MED1: variants seen among roughly 807,000 people sequenced by gnomAD.
MED1 encodes mediator of RNA polymerase II transcription subunit 1.
Under a neutral mutation model 121.3 loss-of-function variants are expected in MED1, and 17 were observed. The observed-to-expected ratio is 0.14, with a 90% confidence interval of 0.10 to 0.21. The LOEUF (loss-of-function observed/expected upper bound fraction) is 0.21, where lower values mean the gene tolerates loss of function less well. MED1 is among the 10% of genes least tolerant of loss of function. MED1 has a pLI of 1.00. For missense variants in MED1, 1,558 were observed against 1,919.4 expected, an observed-to-expected ratio of 0.81 and a Z score of 3.52; for synonymous variants, 661 against 694.4, an observed-to-expected ratio of 0.95 and a Z score of 0.76.
rs1464270243 is a variant in MED1 at position 39,410,458 on chromosome 17, G to A, written c.1763C>T (p.Ser588Leu). ...GCTGAAGTCCTCCCCATGGCCCACC[G>A]ACTCATGCCGATCTTTGATGCTCAT... ...MSMSIKDRHE[S>L]VGHGEDFSKV... is the part of the protein sequence containing the mutation. The change falls in exon 17 of 17, where the codon TCG becomes TTG. Residue 588 changes from serine (S) to leucine (L), a missense_variant. Physicochemically the swap from Ser to Leu is moderately radical, Grantham distance 145. Transcript: ENST00000300651. 1.4e-5 allele frequency: 23 copies of A among 1,613,940 alleles called. No homozygotes were observed. The highest frequency in any genetic ancestry group is 2.2e-5 in the East Asian group (1 of 44,880).
intron 9 of MED1, 42 bp downstream of exon 9, chr17:39,431,072 TA>T (rs776772686): frequency 6.7e-7 from 1 of 1,500,878 alleles, no homozygotes; most frequent in East Asian, 2.3e-5. Flanking sequence ...ACCCTCAACT[TA>T]AATTACACAT....
intron 16 of MED1, among the ~76,000 whole-genome samples, chr17:39,414,497 G>C (rs907186603): frequency 1.7e-4 from 26 of 151,478 alleles, no homozygotes; most frequent in African/African-American, 6.3e-4. Context: ...CACCATGCCG[G>C]GCTAATTTTT....
At position 39,440,021 on chromosome 17, in the gene MED1, A is replaced by AAG. The variant is rs1567652006; in HGVS notation, c.399+364_399+365insCT. ...AGGAAGGAAGGAAGGAAGGAAGGAA[A>AAG]GAAAGAAAGAAAGAGAGAAAGAGAA... On this transcript the variant is annotated intron_variant, in intron 5 of 16. Transcript: ENST00000300651. The surrounding 1 kb of genome is among the most constrained non-coding windows in gnomAD (Gnocchi z 4.1). 3.8e-3 allele frequency among the ~76,000 whole-genome samples: 282 copies of AAG among 74,700 alleles called. No individual in the cohort carries two copies. The highest frequency in any genetic ancestry group is 0.011 in the East Asian group (28 of 2,536). The allele number at this position is 74,700 out of a possible 152,430, so 49.0% of individuals were successfully genotyped here.
At chr17:39,424,572 A>G in intron 11 of MED1, 55 bp downstream of exon 11, 3 of 1,182,872 alleles carry the variant, frequency 2.5e-6, no homozygotes, top group Non-Finnish European at 2.5e-6. Flanking sequence ...AACTTGTTAC[A>G]TACTGCGCTT....
intron 16 of MED1, among the ~76,000 whole-genome samples, chr17:39,411,216 G>A (rs1475948494): frequency 6.6e-6 from 1 of 152,044 alleles, no homozygotes; most frequent in Non-Finnish European, 1.5e-5. Context: ...CTACTCGGGA[G>A]GTTGAGGCAG....
intron 1 of MED1, among the ~76,000 whole-genome samples, chr17:39,450,544 T>G (rs1424259301): frequency 6.6e-6 from 1 of 152,206 alleles, no homozygotes; most frequent in Non-Finnish European, 1.5e-5. Context: ...AAGTTGTTTT[T>G]CTGCAGTTCG....
At chr17:39,410,853 G>T in intron 16 of MED1, 132 bp from the exon 17 acceptor site, 1 of 1,314,078 alleles carries the variant, frequency 7.6e-7, no homozygotes, top group Non-Finnish European at 1.0e-6. Context: ...GACAAAAATA[G>T]TTCTATCAAA....
chr17:39,426,183 G>A (rs1021030686), intron 10 of MED1, among the ~76,000 whole-genome samples: 1 of 151,546 alleles, frequency 6.6e-6, no homozygotes, highest in Admixed American at 6.6e-5. Flanking sequence ...GCCAAGGCTC[G>A]CACCTGTAAT....
chr17:39,433,010 C>T (rs1371729306), intron 7 of MED1, among the ~76,000 whole-genome samples: 1 of 152,112 alleles, frequency 6.6e-6, no homozygotes, highest in Non-Finnish European at 1.5e-5. Context: ...TCGAGACCAG[C>T]CTGGCCAAGA....
At position 39,410,007 on chromosome 17, in the gene MED1, G is replaced by T; in HGVS notation, c.2214C>A (p.Ile738=). 6.2e-7 allele frequency: 1 copy of T among 1,614,164 alleles called. No individual in the cohort carries two copies. The highest frequency in any genetic ancestry group is 8.5e-7 in the Non-Finnish European group (1 of 1,180,036). The change falls in exon 17 of 17, where the codon ATC becomes ATA. Residue 738 remains isoleucine (I), a synonymous_variant. Coordinates refer to ENST00000300651, the MANE Select transcript of MED1 (RefSeq NM_004774.4). ...TGCTACACTGGCTTGGAGCTGGAGT[G>T]ATGTGTGGCGTATCCAGCGTGTCAG... ...MTADTLDTPH[I]TPAPSQCSTP... is the part of the protein sequence containing the mutation.
Position 39,409,321 on chromosome 17 carries a change from T to C in MED1, c.2900A>G (p.Lys967Arg). ...GCCTTCCTTTACCCTCTTTTGAGTC[T>C]TTTCTTTCCCTAAGTCCCCAGTGGT... Reference protein sequence around the residue: ...LLTTGDLGKEKTQKRVKEGNG... With the variant: ...LLTTGDLGKERTQKRVKEGNG... The change falls in exon 17 of 17, where the codon AAG becomes AGG. Residue 967 changes from lysine to arginine, a missense_variant. Lys to Arg is a conservative substitution (Grantham distance 26). Coordinates refer to ENST00000300651, the MANE Select transcript of MED1 (RefSeq NM_004774.4). 6.2e-7 allele frequency: 1 copy of C among 1,614,066 alleles called. No individual in the cohort carries two copies. Among genetic ancestry groups the C allele is most frequent in the Non-Finnish European group, 8.5e-7 (1 of 1,179,994 alleles).
At chr17:39,423,116 T>C (rs1394717175) in intron 13 of MED1, among the ~76,000 whole-genome samples, 1 of 151,998 alleles carries the variant, frequency 6.6e-6, no homozygotes, top group Non-Finnish European at 1.5e-5. Context: ...CCGCCTGCCT[T>C]GGCCTCCTAA....
At chr17:39,446,776 G>GAAA (rs778959603) in intron 2 of MED1, among the ~76,000 whole-genome samples, 1 of 120,070 alleles carries the variant, frequency 8.3e-6, no homozygotes, top group African/African-American at 3.1e-5. Flanking sequence ...CCATCTCAAA[G>GAAA]AAAAAAAAAA....
intron 16 of MED1, among the ~76,000 whole-genome samples, chr17:39,411,374 A>T (rs73294950): frequency 0.032 from 4,869 of 152,198 alleles, 118 homozygotes; most frequent in African/African-American, 0.069. Flanking sequence ...CAATCCCAGC[A>T]CTTTGGAAGG....
Position 39,451,195 on chromosome 17 carries a change from A to G in MED1, c.-133T>C, listed in dbSNP as rs2048779430. On this transcript the variant is annotated 5_prime_UTR_variant, in exon 1 of 17. Coordinates refer to ENST00000300651, the MANE Select transcript of MED1 (RefSeq NM_004774.4). Reference sequence around the variant, plus strand: ...TCCCTACTCTTCCCGGGAAGGATCAATCTGAAGTCCCCGGCGGCAAGAAGA... The same window carrying G: ...TCCCTACTCTTCCCGGGAAGGATCAGTCTGAAGTCCCCGGCGGCAAGAAGA... 2 of 994,640 alleles carry G rather than the reference A, an allele frequency of 2.0e-6. No individual in the cohort carries two copies. Among genetic ancestry groups the G allele is most frequent in the East Asian group, 5.4e-5 (2 of 36,936 alleles). 61.6% of individuals were successfully genotyped at this position (994,640 alleles called of 1,614,324 possible). A position where few individuals can be genotyped will look rare whatever the true frequency, so the allele number is the denominator to read the frequency against.
chr17:39,441,587 T>C (rs1252557142), intron 3 of MED1, among the ~76,000 whole-genome samples: 1 of 152,034 alleles, frequency 6.6e-6, no homozygotes, highest in Non-Finnish European at 1.5e-5. Flanking sequence ...CTGACCAACG[T>C]GGTGAAACCC....
rs748964501 is a variant in MED1 at position 39,409,302 on chromosome 17, C to A, written c.2919G>T (p.Lys973Asn). Reference sequence around the variant, plus strand: ...TACTATTACTGGTGCCATTGCCTTCCTTTACCCTCTTTTGAGTCTTTTCTT... The same window carrying A: ...TACTATTACTGGTGCCATTGCCTTCATTTACCCTCTTTTGAGTCTTTTCTT... ...LGKEKTQKRVKEGNGTSNSTL... is the reference protein window; with the variant it reads ...LGKEKTQKRVNEGNGTSNSTL... The change falls in exon 17 of 17, where the codon AAG becomes AAT. Residue 973 changes from lysine to asparagine, a missense_variant. By Grantham distance (94) the Lys-to-Asn change is moderately conservative. Around this residue, in one of 5 missense-constraint regions of MED1, gnomAD observed 793 missense variants for 898.2 expected, o/e 0.88. Coordinates refer to ENST00000300651, the MANE Select transcript of MED1 (RefSeq NM_004774.4). 14 of 1,613,958 alleles carry A rather than the reference C, an allele frequency of 8.7e-6. No homozygotes were observed. The highest frequency in any genetic ancestry group is 1.2e-5 in the Non-Finnish European group (14 of 1,180,022).
intron 9 of MED1, among the ~76,000 whole-genome samples, chr17:39,430,888 G>A (rs1011894368): frequency 6.6e-6 from 1 of 151,444 alleles, no homozygotes; most frequent in Non-Finnish European, 1.5e-5. Context: ...CTATTGTGGT[G>A]CACACCTGTA....
chr17:39,420,809 T>TTC (rs1231521234), intron 13 of MED1, among the ~76,000 whole-genome samples: 3 of 148,922 alleles, frequency 2.0e-5, no homozygotes, highest in Non-Finnish European at 4.5e-5. Flanking sequence ...TTTTTTTTTT[T>TTC]TTTGAGACAG....
Sources: allele counts gnomAD v4.1 joint callset (sites outside exome capture counted in the v4.1 genomes callset), GRCh38; gene constraint gnomAD v4.1.1; regional missense constraint gnomAD v4.1.1; non-coding constraint Gnocchi (gnomAD v3.1); transcripts MANE v1.5; gene names NCBI Gene and HGNC (gene_info 2026-07-23, HGNC 2026-07-21).